The following RPS24 variants were observed in gnomAD, a reference collection of about 807,000 sequenced individuals.
RPS24 encodes ribosomal protein S24.
For missense variants in RPS24, 100 were observed against 162.5 expected (o/e 0.62, Z 2.09); for synonymous variants, 72 against 55.6 (o/e 1.30, Z -1.31).
Position 78,033,884 on chromosome 10 carries a change from T to G in RPS24, c.-18T>G. On this transcript the variant is annotated 5_prime_UTR_variant, in exon 1 of 6. Transcript: ENST00000372360. ...GGTTCTCTTTTCCTCCTTGGCTGTC[T>G]GAAGATAGATCGCCATCATGGTGAG... 6.2e-7 allele frequency: 1 copy of G among 1,614,100 alleles called. No individual in the cohort carries two copies. Among genetic ancestry groups the G allele is most frequent in the Non-Finnish European group, 8.5e-7 (1 of 1,179,992 alleles).
intron 4 of RPS24, among the ~76,000 whole-genome samples, chr10:78,052,795 C>T (rs72806044): frequency 0.017 from 2,659 of 152,204 alleles, 44 homozygotes; most frequent in Middle Eastern, 0.031. Flanking sequence ...TAACATTTGT[C>T]CTGGAGTGTG....
At chr10:78,047,066 C>T (rs1848050962) in intron 4 of RPS24, among the ~76,000 whole-genome samples, 1 of 151,886 alleles carries the variant, frequency 6.6e-6, no homozygotes, top group Admixed American at 6.6e-5. Context: ...GTGCGATTCT[C>T]CACCTCAGCT....
chr10:78,054,783 C>G (rs1200925635), exon 5 of RPS24: 2 of 1,551,560 alleles, frequency 1.3e-6, no homozygotes, highest in Non-Finnish European at 8.7e-7. Context: ...GGAGAGGGCA[C>G]TGGTCAGAAA....
At chr10:78,041,438 G>A (rs1464594426), downstream of RPS24, among the ~76,000 whole-genome samples, 1 of 152,156 alleles carries the variant, frequency 6.6e-6, no homozygotes, top group East Asian at 1.9e-4. Flanking sequence ...TTCGGTTTGT[G>A]GGGCCTCTGG....
intron 5 of RPS24, 73 bp from the exon 6 acceptor site, chr10:78,040,542 T>C: frequency 9.4e-7 from 1 of 1,068,608 alleles, no homozygotes; most frequent in Non-Finnish European, 1.5e-6. Flanking sequence ...TGAGTGTTAC[T>C]ACTTTTGGAA....
At chr10:78,051,608 A>T (rs796236747) in intron 4 of RPS24, among the ~76,000 whole-genome samples, 1 of 152,188 alleles carries the variant, frequency 6.6e-6, no homozygotes, top group Non-Finnish European at 1.5e-5. Flanking sequence ...TCGGGGTGGA[A>T]TTGCTGGGCC....
At position 78,035,701 on chromosome 10, in the gene RPS24, C is replaced by A; in HGVS notation, c.260C>A (p.Pro87His). The change falls in exon 3 of 6, where the codon CCC becomes CAC. Residue 87 changes from proline (P) to histidine (H), a missense_variant. Pro to His is a moderately conservative substitution (Grantham distance 77). Coordinates refer to ENST00000372360, the MANE Select transcript of RPS24 (RefSeq NM_033022.4). ...DSLDYAKKNE[P>H]KHRLARHGLY... ...CTGGATTATGCAAAGAAAAATGAAC[C>A]CAAACATAGACTTGCAAGAGTAGGT... 1 of 1,600,758 alleles carries A rather than the reference C, an allele frequency of 6.2e-7. No homozygotes were observed.
intron 4 of RPS24, chr10:78,039,992 A>G: frequency 1.5e-6 from 1 of 649,434 alleles, no homozygotes; most frequent in East Asian, 2.8e-5. Context: ...AACTACAGTA[A>G]TCAGGCAAGG....
At chr10:78,037,885 AT>A in intron 4 of RPS24, 1 of 1,001,820 alleles carries the variant, frequency 1.0e-6, no homozygotes, top group Non-Finnish European at 1.3e-6. Context: ...TTAACAAATA[AT>A]CAAGTGTTCT....
chr10:78,047,344 GAGGATAT>G (rs1848055502), intron 4 of RPS24, among the ~76,000 whole-genome samples: 1 of 152,168 alleles, frequency 6.6e-6, no homozygotes, highest in Non-Finnish European at 1.5e-5. Context: ...TAGGGAAGGG[GAGGATAT>G]TCCAGAGGGG....
chr10:78,034,129 G>A, intron 1 of RPS24: 1 of 554,516 alleles, frequency 1.8e-6, no homozygotes, highest in Non-Finnish European at 3.3e-6. Context: ...CAGCGCCTGG[G>A]CAGTGCAGGA....
chr10:78,045,291 G>A (rs1848031893), downstream of RPS24, among the ~76,000 whole-genome samples: 1 of 152,068 alleles, frequency 6.6e-6, no homozygotes, highest in Admixed American at 6.5e-5. Flanking sequence ...CTGGCCCCAA[G>A]TATTAATAAC....
At chr10:78,046,643 C>G (rs1389470471) in intron 4 of RPS24, among the ~76,000 whole-genome samples, 2 of 152,134 alleles carry the variant, frequency 1.3e-5, no homozygotes, top group African/African-American at 4.8e-5. Context: ...GCATGATCCA[C>G]TGCACCTGGC....
chr10:78,039,722 G>T (rs1847951183), intron 4 of RPS24: 1 of 173,204 alleles, frequency 5.8e-6, no homozygotes, highest in African/African-American at 2.4e-5. Context: ...GCTGTGAATG[G>T]TATCTTTTAT....
At position 78,035,497 on chromosome 10, in the gene RPS24, A is replaced by T; in HGVS notation, c.70-14A>T. 6.2e-7 allele frequency: 1 copy of T among 1,613,880 alleles called. No homozygotes were observed. Among genetic ancestry groups the T allele is most frequent in the Non-Finnish European group, 8.5e-7 (1 of 1,179,750 alleles). The stretch of plus-strand genomic sequence containing the variant: ...TTTATCATACTGAATGCTAAACTTG[A>T]TATCTCCTTTTAGGTCATTGATGTC... On this transcript the variant is annotated splice_polypyrimidine_tract_variant and intron_variant, in intron 2 of 5. Transcript: ENST00000372360.
In RPS24 at chr10:78,051,851, T is replaced by C. The variant is rs549764593; in HGVS notation, c.391-2680T>C. On this transcript the variant is annotated intron_variant, in intron 4 of 4. Coordinates refer to the RPS24 transcript ENST00000440692. ...ATTTCATCTGCTTATTGGCTGTTTATATGTCTTCTTTAGAAAAATGCCTGT... is the reference window on the plus strand; with the variant it reads ...ATTTCATCTGCTTATTGGCTGTTTACATGTCTTCTTTAGAAAAATGCCTGT... 3.1e-4 allele frequency among the ~76,000 whole-genome samples: 47 copies of C among 152,338 alleles called. 1 individual carries two copies. Among genetic ancestry groups the C allele is most frequent in the African/African-American group, 9.6e-4 (40 of 41,572 alleles).
chr10:78,047,691 C>G (rs1339000821), intron 4 of RPS24, among the ~76,000 whole-genome samples: 1 of 152,178 alleles, frequency 6.6e-6, no homozygotes, highest in Non-Finnish European at 1.5e-5. Flanking sequence ...GATGTCTACC[C>G]ATCCGTGCTG....
At chr10:78,039,965 T>C (rs1589330565) in intron 4 of RPS24, 1 of 596,190 alleles carries the variant, frequency 1.7e-6, no homozygotes. Flanking sequence ...GAAGTCCGGC[T>C]ACCTCGTTTG....
rs977451479 is a variant in RPS24 at position 78,052,653 on chromosome 10, G to A, written c.391-1878G>A. On this transcript the variant is annotated intron_variant, in intron 4 of 4. Coordinates refer to the RPS24 transcript ENST00000440692. ...GGGTTATGTTGGATTTGGAAGCCAC[G>A]AGGAGGAGTCTACTCAGACAAGAGC... Among the ~76,000 whole-genome samples the A allele has an allele frequency of 9.2e-5, 14 of 152,192 alleles. No homozygotes were observed. The East Asian group carries it at 2.3e-3, about 25-fold the overall frequency.
Sources: gnomAD v4.1 joint callset for allele counts (sites outside exome capture counted in the v4.1 genomes callset) on GRCh38, gnomAD v4.1.1 for gene constraint, MANE v1.5 for transcripts, NCBI Gene and HGNC (gene_info 2026-07-23, HGNC 2026-07-21) for gene names.